The following TRAPPC9 variants were observed in gnomAD, a reference collection of about 807,000 sequenced individuals.
The protein encoded by TRAPPC9 is IKK2 binding protein.
TRAPPC9 carries 83 observed loss-of-function variants against 124.0 expected under a neutral mutation model. The ratio of observed to expected loss-of-function variants is 0.67; its 90% CI spans 0.56 to 0.80. The LOEUF is 0.80. Ranked by LOEUF, TRAPPC9 falls within the 30% of genes least tolerant of loss-of-function variation. The pLI is 0.00. For synonymous variants in TRAPPC9, 638 were observed against 617.5 expected, an observed-to-expected ratio of 1.03 and a Z score of -0.49; for missense variants, 1,302 against 1,508.3, an observed-to-expected ratio of 0.86 and a Z score of 2.27.
intron 13 of TRAPPC9, among the ~76,000 whole-genome samples, chr8:140,285,249 G>C (rs1223870933): frequency 6.6e-6 from 1 of 152,148 alleles, no homozygotes; most frequent in Non-Finnish European, 1.5e-5. Flanking sequence ...CACTAGTTAC[G>C]GTTATGTGCT....
intron 17 of TRAPPC9, among the ~76,000 whole-genome samples, chr8:140,181,830 C>T (rs1423126398): frequency 1.3e-5 from 2 of 152,224 alleles, no homozygotes; most frequent in Admixed American, 6.5e-5. Flanking sequence ...TCGTGCTCCA[C>T]AGAAATTACT....
At chr8:139,839,684 G>A (rs1426719694) in intron 21 of TRAPPC9, among the ~76,000 whole-genome samples, 3 of 152,196 alleles carry the variant, frequency 2.0e-5, no homozygotes, top group South Asian at 2.1e-4. Context: ...TCCTAGGGGC[G>A]CCTACTCATC....
At chr8:140,060,808 G>T (rs1052584960) in intron 17 of TRAPPC9, among the ~76,000 whole-genome samples, 2 of 152,236 alleles carry the variant, frequency 1.3e-5, no homozygotes, top group Non-Finnish European at 2.9e-5. Flanking sequence ...TTTGCAGCAG[G>T]AGGGCAGGCC....
intron 17 of TRAPPC9, among the ~76,000 whole-genome samples, chr8:140,184,708 A>C (rs940529274): frequency 6.6e-6 from 1 of 152,206 alleles, no homozygotes; most frequent in Non-Finnish European, 1.5e-5. Flanking sequence ...TTGGCCTCCC[A>C]AAGTGCTGGC....
intron 17 of TRAPPC9, among the ~76,000 whole-genome samples, chr8:140,176,035 G>GC (rs1563819672): frequency 1.3e-5 from 2 of 152,192 alleles, no homozygotes; most frequent in African/African-American, 4.8e-5. Flanking sequence ...GGAAACCGTC[G>GC]CAACTCAGTG....
intron 17 of TRAPPC9, among the ~76,000 whole-genome samples, chr8:140,153,784 G>A (rs950596561): frequency 2.0e-5 from 3 of 152,150 alleles, no homozygotes; most frequent in African/African-American, 7.2e-5. Context: ...ATACATTTCA[G>A]GATCAAGTCC....
At chr8:140,237,698 C>T (rs1469437465) in intron 16 of TRAPPC9, among the ~76,000 whole-genome samples, 1 of 152,050 alleles carries the variant, frequency 6.6e-6, no homozygotes, top group Non-Finnish European at 1.5e-5. Context: ...AAGAGCAGAG[C>T]GGGCAGGCCC....
At chr8:139,773,914 G>A (rs1458901118) in intron 21 of TRAPPC9, among the ~76,000 whole-genome samples, 1 of 152,260 alleles carries the variant, frequency 6.6e-6, no homozygotes, top group Non-Finnish European at 1.5e-5. Flanking sequence ...CGCATGTTCA[G>A]TGGAGAAGTC....
intron 18 of TRAPPC9, among the ~76,000 whole-genome samples, chr8:140,016,527 T>G (rs1839474808): frequency 6.6e-6 from 1 of 152,206 alleles, no homozygotes; most frequent in Non-Finnish European, 1.5e-5. Flanking sequence ...TCTAGAAAGG[T>G]GTACACATGG....
At chr8:139,964,004 C>T (rs1835527384) in intron 19 of TRAPPC9, among the ~76,000 whole-genome samples, 1 of 151,982 alleles carries the variant, frequency 6.6e-6, no homozygotes, top group African/African-American at 2.4e-5. Flanking sequence ...GCGGGTGGAT[C>T]ACGAGGTCAG....
chr8:140,063,068 G>T lies in TRAPPC9; in HGVS notation c.2557-38989C>A, dbSNP rs1343696699. Among the ~76,000 whole-genome samples, 1 of 152,142 alleles carries T rather than the reference G, an allele frequency of 6.6e-6. No homozygotes were observed. The highest frequency in any genetic ancestry group is 1.5e-5 in the Non-Finnish European group (1 of 68,028). On this transcript the variant is annotated intron_variant, in intron 17 of 22. Coordinates refer to ENST00000438773, the MANE Select transcript of TRAPPC9 (RefSeq NM_001160372.4). This position sits in a 1 kb window ranked among gnomAD's most constrained non-coding sequence, Gnocchi z 4.3. ...GCAGGAAGGAGAAGTGAATGCAGGA[G>T]GAACTACTGAACACCTGAACACTTA...
chr8:139,879,144 T>C (rs546772790), intron 21 of TRAPPC9, among the ~76,000 whole-genome samples: 1 of 152,284 alleles, frequency 6.6e-6, no homozygotes, highest in South Asian at 2.1e-4. Context: ...CCATGGGGGC[T>C]TCTAGGGAGC....
intron 20 of TRAPPC9, among the ~76,000 whole-genome samples, chr8:139,886,951 A>G (rs983565296): frequency 1.3e-5 from 2 of 152,150 alleles, no homozygotes; most frequent in African/African-American, 4.8e-5. Flanking sequence ...ATTGCGAGAG[A>G]GAGGGAGCAG....
chr8:140,351,025 G>A (rs780838525), intron 9 of TRAPPC9, among the ~76,000 whole-genome samples: 21 of 151,852 alleles, frequency 1.4e-4, no homozygotes, highest in African/African-American at 2.2e-4. Flanking sequence ...CAGTCAGGGC[G>A]AGAAAGCAGA....
chr8:139,987,147 ACCG>A (rs1159732975), intron 19 of TRAPPC9, among the ~76,000 whole-genome samples: 1 of 152,188 alleles, frequency 6.6e-6, no homozygotes, highest in Non-Finnish European at 1.5e-5. Context: ...GTAAGAAAAC[ACCG>A]CCATTTGTTT....
intron 21 of TRAPPC9, among the ~76,000 whole-genome samples, chr8:139,792,964 C>T (rs760872899): frequency 5.9e-4 from 90 of 152,340 alleles, no homozygotes; most frequent in Non-Finnish European, 1.1e-3. Flanking sequence ...CACAGAGCAG[C>T]TCCTGGCATC....
At chr8:139,937,457 T>C (rs1050692191) in intron 19 of TRAPPC9, among the ~76,000 whole-genome samples, 1 of 152,112 alleles carries the variant, frequency 6.6e-6, no homozygotes, top group Non-Finnish European at 1.5e-5. Context: ...AGAAAAGAAA[T>C]CCCCTTCCTA....
Position 140,374,886 on chromosome 8 carries a change from A to T in TRAPPC9, c.1135-3706T>A, listed in dbSNP as rs901141170. On this transcript the variant is annotated intron_variant, in intron 7 of 22. Transcript: ENST00000438773. ...AAAGGTTGTAAATAATACTATGATC[A>T]GTAATAATATTACTTCATTCCTCTT... Among the ~76,000 whole-genome samples, 32 of 152,244 alleles carry T rather than the reference A, an allele frequency of 2.1e-4. 1 individual carries two copies. The highest frequency in any genetic ancestry group is 7.5e-4 in the African/African-American group (31 of 41,462).
intron 19 of TRAPPC9, among the ~76,000 whole-genome samples, chr8:139,956,352 G>A (rs1834983610): frequency 6.6e-6 from 1 of 151,982 alleles, no homozygotes; most frequent in South Asian, 2.1e-4. Context: ...TAGTAGAGAC[G>A]GGGTTTCACT....
Sources: allele counts gnomAD v4.1 joint callset (sites outside exome capture counted in the v4.1 genomes callset), GRCh38; gene constraint gnomAD v4.1.1; non-coding constraint Gnocchi (gnomAD v3.1); transcripts MANE v1.5; gene names NCBI Gene and HGNC (gene_info 2026-07-23, HGNC 2026-07-21).